SAE1: variants seen among roughly 807,000 people sequenced by gnomAD.
SAE1 encodes the protein SUMO1 activating enzyme subunit 1.
Under a neutral mutation model 40.6 loss-of-function variants are expected in SAE1, and 11 were observed. The observed-to-expected ratio is 0.27, with a 90% CI of 0.17 to 0.45. The LOEUF is 0.45. SAE1 is among the 20% of genes least tolerant of loss of function. The probability of loss-of-function intolerance (pLI) is 1.00; values close to 1 mark genes in which losing one functional copy is unlikely to be tolerated. For missense variants in SAE1, 373 were observed against 427.3 expected (o/e 0.87, Z 1.12); for synonymous variants, 155 against 154.3 (o/e 1.00, Z -0.03).
chr19:47,146,650 T>A (rs1403589468), intron 2 of SAE1, among the ~76,000 whole-genome samples: 1 of 152,046 alleles, frequency 6.6e-6, no homozygotes, highest in Non-Finnish European at 1.5e-5. Flanking sequence ...GTTTTACAGA[T>A]GGGAAAACTG....
chr19:47,164,414 G>T (rs547993373), intron 5 of SAE1, among the ~76,000 whole-genome samples: 1 of 151,762 alleles, frequency 6.6e-6, no homozygotes, highest in Non-Finnish European at 1.5e-5. Flanking sequence ...TGATCCGCCC[G>T]CCTTGGCCTC....
chr19:47,159,181 G>A (rs991606206), intron 5 of SAE1, among the ~76,000 whole-genome samples: 1 of 152,178 alleles, frequency 6.6e-6, no homozygotes, highest in African/African-American at 2.4e-5. Flanking sequence ...CTAATTTGGA[G>A]TACTATTAAT....
At chr19:47,137,205 A>T (rs984770276) in intron 1 of SAE1, among the ~76,000 whole-genome samples, 18 of 151,996 alleles carry the variant, frequency 1.2e-4, no homozygotes, top group Admixed American at 9.2e-4. Flanking sequence ...CCTGGCCAAC[A>T]TGGTGACCGT....
chr19:47,140,266 C>T (rs1415567561), intron 1 of SAE1, among the ~76,000 whole-genome samples: 2 of 151,886 alleles, frequency 1.3e-5, no homozygotes, highest in Admixed American at 1.3e-4. Flanking sequence ...GCCACCATGC[C>T]CAGCTAATTT....
At chr19:47,132,976 C>T (rs2058155646) in intron 1 of SAE1, among the ~76,000 whole-genome samples, 1 of 151,570 alleles carries the variant, frequency 6.6e-6, no homozygotes. Context: ...GATAGGTTGG[C>T]CAGGGAAGGG....
At chr19:47,168,535 C>T (rs1484088364) in intron 5 of SAE1, among the ~76,000 whole-genome samples, 1 of 152,138 alleles carries the variant, frequency 6.6e-6, no homozygotes, top group Non-Finnish European at 1.5e-5. Context: ...CTCAGGTGAT[C>T]ATGCCACTTT....
chr19:47,195,970 G>A (rs1185936179), intron 6 of SAE1, among the ~76,000 whole-genome samples: 1 of 150,212 alleles, frequency 6.7e-6, no homozygotes, highest in African/African-American at 2.5e-5. Flanking sequence ...CTGGGCTCAA[G>A]CGATCCTCAC....
intron 1 of SAE1, among the ~76,000 whole-genome samples, chr19:47,133,678 A>T (rs978439397): frequency 6.6e-6 from 1 of 152,076 alleles, no homozygotes; most frequent in East Asian, 1.9e-4. Flanking sequence ...TATATTCTGG[A>T]TATATTTTGA....
chr19:47,136,608 G>A (rs1275828818), intron 1 of SAE1, among the ~76,000 whole-genome samples: 2 of 150,656 alleles, frequency 1.3e-5, no homozygotes, highest in African/African-American at 4.9e-5. Context: ...CAATTCTTCT[G>A]GTTCAGCCTC....
intron 6 of SAE1, among the ~76,000 whole-genome samples, chr19:47,183,518 A>G (rs572654087): frequency 5.3e-5 from 8 of 152,184 alleles, no homozygotes; most frequent in Non-Finnish European, 1.2e-4. Flanking sequence ...ACCTCGTGAC[A>G]TTTTCTTATT....
At position 47,185,867 on chromosome 19, in the gene SAE1, G is replaced by T. The variant is rs186801096; in HGVS notation, c.734-11366G>T. Reference sequence around the variant, plus strand: ...TCCACCCATCTCAGCCTCCCAAAGTGCTGGGATTACAGGCATGAGCCACCG... The same window carrying T: ...TCCACCCATCTCAGCCTCCCAAAGTTCTGGGATTACAGGCATGAGCCACCG... On this transcript the variant is annotated intron_variant, in intron 6 of 8. Transcript: ENST00000270225. 7.1e-3 allele frequency among the ~76,000 whole-genome samples: 1,073 copies of T among 151,610 alleles called. 8 individuals are homozygous for T. The highest frequency in any genetic ancestry group is 0.012 in the Non-Finnish European group (784 of 67,846).
intron 1 of SAE1, among the ~76,000 whole-genome samples, chr19:47,141,072 G>T (rs1197245507): frequency 6.6e-6 from 1 of 151,630 alleles, no homozygotes; most frequent in Non-Finnish European, 1.5e-5. Context: ...CATGATCTCC[G>T]CTTACTGCAA....
intron 6 of SAE1, chr19:47,180,197 G>A (rs1390407383): frequency 6.6e-6 from 3 of 456,140 alleles, no homozygotes; most frequent in African/African-American, 4.0e-5. Flanking sequence ...CATCCCAGAA[G>A]CACTGAACGC....
chr19:47,185,966 G>C, intron 6 of SAE1, among the ~76,000 whole-genome samples: 1 of 151,510 alleles, frequency 6.6e-6, no homozygotes. Flanking sequence ...GGCCCCGGGC[G>C]TGGTGGCTCA....
chr19:47,182,500 C>CGT (rs1360269312), intron 6 of SAE1, among the ~76,000 whole-genome samples: 2 of 130,584 alleles, frequency 1.5e-5, no homozygotes, highest in African/African-American at 5.8e-5. Context: ...TGTGTGTGCG[C>CGT]GCACGCACGC....
intron 6 of SAE1, among the ~76,000 whole-genome samples, chr19:47,171,208 C>T (rs568126168): frequency 1.3e-5 from 2 of 152,154 alleles, no homozygotes; most frequent in East Asian, 1.9e-4. Context: ...CTCTTGACCT[C>T]GTGATCCGCC....
In SAE1 at chr19:47,143,562, T is replaced by G. The variant is rs138103448; in HGVS notation, c.167T>G (p.Ile56Ser). ...GGGGCTGAAATTGCCAAGAATCTCA[T>G]CTTGGCAGGAGTGAAAGGACTGACC... ...GLGAEIAKNL[I>S]LAGVKGLTML... The change falls in exon 2 of 9, where the codon ATC (isoleucine) becomes AGC (serine). Residue 56 changes from isoleucine to serine, a missense_variant. Physicochemically the swap from Ile to Ser is moderately radical, Grantham distance 142. Around this residue, in one of 3 missense-constraint regions of SAE1, gnomAD observed 351 missense variants for 390.6 expected, o/e 0.90. Coordinates refer to ENST00000270225, the MANE Select transcript of SAE1 (RefSeq NM_005500.3). 2.2e-5 allele frequency: 35 copies of G among 1,613,974 alleles called. 1 individual carries two copies. The highest frequency in any genetic ancestry group is 2.9e-5 in the Non-Finnish European group (34 of 1,180,024).
chr19:47,193,510 T>TCTTTC (rs1486478575), intron 6 of SAE1, among the ~76,000 whole-genome samples: 1 of 151,782 alleles, frequency 6.6e-6, no homozygotes, highest in East Asian at 1.9e-4. Flanking sequence ...TTTTTTCTTT[T>TCTTTC]CTTTCCTTTT....
At chr19:47,203,819 A>C (rs972277799) in intron 8 of SAE1, 79 bp downstream of exon 8, 2 of 1,260,560 alleles carry the variant, frequency 1.6e-6, no homozygotes, top group Admixed American at 3.4e-5. Context: ...AAACTGTCTT[A>C]GACAGCTGCC....
Sources: allele counts gnomAD v4.1 joint callset (sites outside exome capture counted in the v4.1 genomes callset), GRCh38; gene constraint gnomAD v4.1.1; regional missense constraint gnomAD v4.1.1; transcripts MANE v1.5; gene names NCBI Gene and HGNC (gene_info 2026-07-23, HGNC 2026-07-21).